The following CDH12 variants were observed in gnomAD, a reference collection of about 807,000 sequenced individuals.
The protein encoded by CDH12 is cadherin 12.
A neutral mutation model predicts 74.1 loss-of-function variants in CDH12; 41 were observed. The ratio of observed to expected loss-of-function variants is 0.55; its 90% CI spans 0.43 to 0.72. CDH12 has a LOEUF of 0.72. CDH12 is among the 30% of genes least tolerant of loss of function. The pLI is 0.00. For missense variants in CDH12, 945 were observed against 977.2 expected, an observed-to-expected ratio of 0.97 and a Z score of 0.44; for synonymous variants, 399 against 355.0, an observed-to-expected ratio of 1.12 and a Z score of -1.39.
At chr5:22,344,593 T>A (rs1003920130) in intron 3 of CDH12, among the ~76,000 whole-genome samples, 1 of 152,174 alleles carries the variant, frequency 6.6e-6, no homozygotes, top group Non-Finnish European at 1.5e-5. Context: ...AGCTTTGAAC[T>A]ACCAAGCATC....
chr5:22,450,617 T>C lies in CDH12; in HGVS notation c.-427-45266A>G, dbSNP rs6888018. On this transcript the variant is annotated intron_variant, in intron 2 of 14. Coordinates refer to ENST00000382254, the MANE Select transcript of CDH12 (RefSeq NM_004061.5). ...ACTACTACAATAATTTTTAAATTTG[T>C]TATGTTACCTAAATCCTTTCCCCTT... 2.0e-4 allele frequency among the ~76,000 whole-genome samples: 31 copies of C among 152,090 alleles called. No individual in the cohort carries two copies. The East Asian group carries it at 5.8e-3, about 28-fold the overall frequency.
chr5:22,535,444 A>G (rs191724998), intron 1 of CDH12, among the ~76,000 whole-genome samples: 1 of 151,994 alleles, frequency 6.6e-6, no homozygotes, highest in Non-Finnish European at 1.5e-5. Flanking sequence ...GCGTGAGCCA[A>G]CGCACCCGGC....
chr5:21,764,927 C>G (rs377486051), intron 12 of CDH12, 51 bp downstream of exon 12: 691 of 1,583,394 alleles, frequency 4.4e-4, no homozygotes, highest in Non-Finnish European at 5.8e-4. Context: ...TAACTTAAAA[C>G]ATGCATATGG....
chr5:22,536,995 G>C (rs1737878911), intron 1 of CDH12, among the ~76,000 whole-genome samples: 1 of 152,096 alleles, frequency 6.6e-6, no homozygotes, highest in African/African-American at 2.4e-5. Context: ...TCTTGGTTTT[G>C]ACCCCATCAG....
chr5:22,089,715 GA>G (rs552233408), intron 4 of CDH12, among the ~76,000 whole-genome samples: 9 of 151,574 alleles, frequency 5.9e-5, no homozygotes, highest in Non-Finnish European at 8.8e-5. Flanking sequence ...ATCAACTGCA[GA>G]AAAAAAATTT....
intron 1 of CDH12, among the ~76,000 whole-genome samples, chr5:22,664,257 C>A (rs548916768): frequency 9.2e-5 from 14 of 152,132 alleles, no homozygotes; most frequent in Non-Finnish European, 1.6e-4. Flanking sequence ...ACAGAATTGC[C>A]CGATACTGGG....
At chr5:22,685,443 G>A (rs1473477207) in intron 1 of CDH12, among the ~76,000 whole-genome samples, 6 of 152,006 alleles carry the variant, frequency 3.9e-5, no homozygotes, top group Admixed American at 1.3e-4. Flanking sequence ...TCACTACGTC[G>A]GCCAGGATGG....
chr5:22,600,368 A>G (rs1736800205), intron 1 of CDH12, among the ~76,000 whole-genome samples: 1 of 152,116 alleles, frequency 6.6e-6, no homozygotes, highest in African/African-American at 2.4e-5. Flanking sequence ...AATTCCATTT[A>G]AAATTTTGTG....
intron 1 of CDH12, among the ~76,000 whole-genome samples, chr5:22,826,108 G>T (rs1418311071): frequency 6.6e-6 from 1 of 152,130 alleles, no homozygotes; most frequent in Non-Finnish European, 1.5e-5. Flanking sequence ...TCTTGTAGCT[G>T]CCATAATTCT....
intron 6 of CDH12, among the ~76,000 whole-genome samples, chr5:21,891,572 T>TACACACACACACACACACACACACAC (rs66657734): frequency 5.5e-5 from 8 of 144,914 alleles, no homozygotes; most frequent in South Asian, 4.4e-4. Flanking sequence ...CACACACACA[T>TACACACACACACACACACACACACAC]ACACACACAC....
intron 1 of CDH12, among the ~76,000 whole-genome samples, chr5:22,851,329 T>C (rs907662215): frequency 2.0e-5 from 3 of 152,000 alleles, no homozygotes; most frequent in African/African-American, 7.2e-5. Context: ...GCTTAAAAAC[T>C]TCCCCCTACT....
chr5:22,481,519 C>G (rs1746384483), intron 2 of CDH12, among the ~76,000 whole-genome samples: 2 of 152,080 alleles, frequency 1.3e-5, no homozygotes, highest in Non-Finnish European at 2.9e-5. Context: ...TATTATTGAG[C>G]CTTAAAAAAT....
chr5:22,357,760 G>A (rs116198607), intron 3 of CDH12, among the ~76,000 whole-genome samples: 1,794 of 152,126 alleles, frequency 0.012, 37 homozygotes, highest in African/African-American at 0.04. Flanking sequence ...TCCCTCAGGT[G>A]GAGAATATAC....
At chr5:22,338,041 C>T (rs1051486518) in intron 3 of CDH12, among the ~76,000 whole-genome samples, 1 of 152,086 alleles carries the variant, frequency 6.6e-6, no homozygotes, top group Non-Finnish European at 1.5e-5. Context: ...GTAGAGCTAC[C>T]ATATGTTCTA....
intron 3 of CDH12, among the ~76,000 whole-genome samples, chr5:22,306,304 C>A (rs1738109994): frequency 6.6e-6 from 1 of 151,198 alleles, no homozygotes; most frequent in Non-Finnish European, 1.5e-5. Flanking sequence ...CACAGAGACA[C>A]AGAGAATATG....
At chr5:22,009,955 A>AAAG (rs1553998897) in intron 5 of CDH12, among the ~76,000 whole-genome samples, 26 of 151,114 alleles carry the variant, frequency 1.7e-4, no homozygotes, top group African/African-American at 4.8e-4. Flanking sequence ...AAAAAAAAAA[A>AAAG]AAAAGAAAAA....
chr5:22,673,601 G>A (rs1327163932), intron 1 of CDH12, among the ~76,000 whole-genome samples: 1 of 152,026 alleles, frequency 6.6e-6, no homozygotes, highest in Non-Finnish European at 1.5e-5. Flanking sequence ...TATTTCTAAT[G>A]ATAAGGATAT....
intron 1 of CDH12, among the ~76,000 whole-genome samples, chr5:22,763,233 A>C (rs1217336368): frequency 6.6e-6 from 1 of 151,932 alleles, no homozygotes; most frequent in Non-Finnish European, 1.5e-5. Context: ...TTTATCTACA[A>C]AATAATAAAA....
intron 2 of CDH12, among the ~76,000 whole-genome samples, chr5:22,416,276 C>T (rs1052695973): frequency 6.6e-6 from 1 of 151,212 alleles, no homozygotes; most frequent in African/African-American, 2.4e-5. Flanking sequence ...GGGGTTTCAC[C>T]GTGTTAGCCA....
Sources: allele counts gnomAD v4.1 joint callset (sites outside exome capture counted in the v4.1 genomes callset), GRCh38; gene constraint gnomAD v4.1.1; transcripts MANE v1.5; gene names NCBI Gene and HGNC (gene_info 2026-07-23, HGNC 2026-07-21).